DMXL1: variants seen among roughly 807,000 people sequenced by gnomAD.
The protein encoded by DMXL1 is Dmx like 1, also known as dmX-like protein 1.
DMXL1 carries 99 observed loss-of-function variants against 319.2 expected under a neutral mutation model. That is an observed-to-expected ratio of 0.31 (90% CI 0.26 to 0.37). The LOEUF (loss-of-function observed/expected upper bound fraction) is 0.37, where lower values mean the gene tolerates loss of function less well. DMXL1 is among the 10% of genes least tolerant of loss of function. The probability of loss-of-function intolerance (pLI) is 1.00; values close to 1 mark genes in which losing one functional copy is unlikely to be tolerated. For missense variants in DMXL1, 3,745 were observed against 3,595.6 expected (o/e 1.04, Z -1.06); for synonymous variants, 1,385 against 1,235.2 (o/e 1.12, Z -2.54).
intron 32 of DMXL1, among the ~76,000 whole-genome samples, chr5:119,202,933 TCTTAC>T (rs1325672070): frequency 2.1e-5 from 3 of 143,396 alleles, no homozygotes; most frequent in African/African-American, 8.1e-5. Context: ...ATATATAATT[TCTTAC>T]CTTCAGGTTA....
chr5:119,223,053 T>A, intron 37 of DMXL1, among the ~76,000 whole-genome samples: 1 of 137,634 alleles, frequency 7.3e-6, no homozygotes, highest in South Asian at 2.4e-4. Context: ...CATTACTTAG[T>A]TGTGTTTTTT....
chr5:119,151,954 G>A lies in DMXL1; in HGVS notation c.4620G>A (p.Gly1540=). Residue 1540 remains glycine, a synonymous_variant, in exon 19 of 44, where the codon GGG becomes GGA. Transcript: ENST00000539542. ...SQGGETLDEC[G]LKFLLAVRLH... Reference sequence around the variant, plus strand: ...GTGGAGAAACTCTTGATGAATGTGGGTTAAAATTTCTTTTGGCTGTTCGAC... The same window carrying A: ...GTGGAGAAACTCTTGATGAATGTGGATTAAAATTTCTTTTGGCTGTTCGAC... 1 of 1,612,634 alleles carries A rather than the reference G, an allele frequency of 6.2e-7. No individual in the cohort carries two copies. The highest frequency in any genetic ancestry group is 2.2e-5 in the East Asian group (1 of 44,758).
intron 29 of DMXL1, among the ~76,000 whole-genome samples, chr5:119,193,422 C>T (rs796244009): frequency 3.9e-5 from 6 of 152,250 alleles, no homozygotes; most frequent in African/African-American, 1.4e-4. Context: ...TCGTACTTTT[C>T]AAAGAGGCCT....
chr5:119,136,643 T>TG (rs1766051643), intron 13 of DMXL1, among the ~76,000 whole-genome samples: 2 of 152,358 alleles, frequency 1.3e-5, no homozygotes, highest in South Asian at 4.1e-4. Context: ...TTCAGTGCCC[T>TG]GCCTCCCAGC....
Position 119,111,698 on chromosome 5 carries a change from G to A in DMXL1, c.497+1415G>A, listed in dbSNP as rs545628723. Among the ~76,000 whole-genome samples, 14 of 152,326 alleles carry A rather than the reference G, an allele frequency of 9.2e-5. No homozygotes were observed. The South Asian group carries it at 2.7e-3, about 29-fold the overall frequency. On this transcript the variant is annotated intron_variant, in intron 5 of 43. Transcript: ENST00000539542. ...GAAACACAAACATGAGGAGAAATAT[G>A]TGCAGTTTTGGGCAAATGCGTTTTT...
rs888797280 is a variant in DMXL1, at chr5:119,071,387, C to T, written c.-183C>T. On this transcript the variant is annotated 5_prime_UTR_variant, in exon 1 of 44. Transcript: ENST00000539542. ...CCGACCCGCCCCCTCCGGGCCTCGCCCTCCGGGGCTCGGGATGAGTCGCGG... is the reference window on the plus strand; with the variant it reads ...CCGACCCGCCCCCTCCGGGCCTCGCTCTCCGGGGCTCGGGATGAGTCGCGG... 7 of 589,572 alleles carry T rather than the reference C, an allele frequency of 1.2e-5. No individual in the cohort carries two copies. The highest frequency in any genetic ancestry group is 6.0e-5 in the African/African-American group (3 of 49,814). The allele number at this position is 589,572 out of a possible 1,614,324, so 36.5% of individuals were successfully genotyped here. A position where few individuals can be genotyped will look rare whatever the true frequency, so the allele number is the denominator to read the frequency against.
Position 119,148,732 on chromosome 5 carries a change from A to G in DMXL1, c.2912-7A>G, listed in dbSNP as rs778439451. 5 of 1,592,422 alleles carry G rather than the reference A, an allele frequency of 3.1e-6. No homozygotes were observed. In the South Asian group the frequency reaches 5.7e-5, roughly 18 times the overall value. On this transcript the variant is annotated splice_region_variant and splice_polypyrimidine_tract_variant and intron_variant, in intron 17 of 43. Transcript: ENST00000539542. The stretch of plus-strand genomic sequence containing the variant: ...GACATTTTGTTAACGGATTATTTTT[A>G]TTTTAGGACATCTGAGTTCATCTTC...
chr5:119,081,015 C>G (rs986233737), intron 1 of DMXL1, among the ~76,000 whole-genome samples: 1 of 152,184 alleles, frequency 6.6e-6, no homozygotes, highest in African/African-American at 2.4e-5. Flanking sequence ...TATTTGTAGC[C>G]TATCTTATAA....
chr5:119,104,152 A>G (rs1327027224), intron 3 of DMXL1: 4 of 152,182 alleles, frequency 2.6e-5, no homozygotes, highest in Non-Finnish European at 5.9e-5. Flanking sequence ...GGTGGTCTTC[A>G]TGAGAGTTGC....
intron 19 of DMXL1, among the ~76,000 whole-genome samples, chr5:119,161,680 A>G (rs1051162746): frequency 1.3e-5 from 2 of 151,834 alleles, no homozygotes; most frequent in Admixed American, 6.5e-5. Context: ...CTGGTTGGGC[A>G]GGTCTAGCCC....
intron 3 of DMXL1, among the ~76,000 whole-genome samples, chr5:119,103,307 G>C (rs1207977557): frequency 6.6e-6 from 1 of 152,172 alleles, no homozygotes; most frequent in Non-Finnish European, 1.5e-5. Flanking sequence ...GGACTAAACT[G>C]TTTTAATAGC....
chr5:119,100,383 C>T (rs1756977489), intron 2 of DMXL1, among the ~76,000 whole-genome samples: 1 of 151,028 alleles, frequency 6.6e-6, no homozygotes, highest in South Asian at 2.1e-4. Context: ...TTGCAGTGAG[C>T]TGAGATCGTG....
intron 10 of DMXL1, among the ~76,000 whole-genome samples, chr5:119,130,156 A>C (rs1764524820): frequency 6.6e-6 from 1 of 152,018 alleles, no homozygotes; most frequent in Admixed American, 6.6e-5. Flanking sequence ...TATGATCATT[A>C]GGTAAGAAAA....
At chr5:119,115,696 T>C (rs910407235) in intron 6 of DMXL1, among the ~76,000 whole-genome samples, 1 of 152,192 alleles carries the variant, frequency 6.6e-6, no homozygotes, top group Non-Finnish European at 1.5e-5. Context: ...GAATATTTTA[T>C]ATAGTATTTA....
chr5:119,110,402 GAT>G (rs1260283205), intron 5 of DMXL1, 119 bp downstream of exon 5: 2 of 913,826 alleles, frequency 2.2e-6, no homozygotes, highest in African/African-American at 3.5e-5. Context: ...TTTAGTCTAT[GAT>G]ATGCTTTTTC....
Position 119,170,763 on chromosome 5 carries a change from G to T in DMXL1, c.5972G>T (p.Arg1991Ile), listed in dbSNP as rs1297302885. Residue 1991 changes from arginine to isoleucine, a missense_variant, in exon 24 of 44, where the codon AGA becomes ATA. By Grantham distance (97) the Arg-to-Ile change is moderately conservative. Coordinates refer to ENST00000539542, the MANE Select transcript of DMXL1 (RefSeq NM_001290321.3). ...ATGAAAGAACTAAAACCTTTACAGA[G>T]AAAAACAGATAAAAAGTTGGATGAC... ...ISMKELKPLQRKTDKKLDDIS... is the reference protein window; with the variant it reads ...ISMKELKPLQIKTDKKLDDIS... The T allele has an allele frequency of 6.2e-7, 1 of 1,612,238 alleles. No homozygotes were observed. Among genetic ancestry groups the T allele is most frequent in the Non-Finnish European group, 8.5e-7 (1 of 1,179,648 alleles).
chr5:119,228,080 A>C (rs1050290326), intron 38 of DMXL1, among the ~76,000 whole-genome samples: 3 of 152,226 alleles, frequency 2.0e-5, no homozygotes, highest in Non-Finnish European at 4.4e-5. Context: ...GATTTTCTTC[A>C]ATAAGTTATT....
chr5:119,166,577 G>A (rs767819271), intron 21 of DMXL1, 39 bp from the exon 22 acceptor site: 8 of 1,561,996 alleles, frequency 5.1e-6, no homozygotes, highest in Middle Eastern at 3.4e-4. Flanking sequence ...AAAGAAAATT[G>A]TATTCCAAAA....
chr5:119,119,943 C>T (rs551516819), intron 8 of DMXL1, among the ~76,000 whole-genome samples: 61 of 151,570 alleles, frequency 4.0e-4, no homozygotes, highest in Middle Eastern at 3.4e-3. Context: ...TGTAGTGGGG[C>T]GATACCAGCT....
Sources: allele counts gnomAD v4.1 joint callset (sites outside exome capture counted in the v4.1 genomes callset), GRCh38; gene constraint gnomAD v4.1.1; transcripts MANE v1.5; gene names NCBI Gene and HGNC (gene_info 2026-07-23, HGNC 2026-07-21).